The following DAB2 variants were observed in gnomAD, a reference collection of about 807,000 sequenced individuals.
The protein encoded by DAB2 is disabled homolog 2.
In DAB2, 28 loss-of-function variants were observed where a neutral mutation model predicts 71.6. That is an observed-to-expected ratio of 0.39 (90% CI 0.29 to 0.54). The LOEUF is 0.54. Among genes scored for constraint, DAB2 ranks in the 20% least tolerant of loss-of-function variants. The pLI is 0.68. For synonymous variants in DAB2, 345 were observed against 339.7 expected (o/e 1.02, Z -0.17); for missense variants, 867 against 928.8 (o/e 0.93, Z 0.86).
At chr5:39,423,100 G>T (rs1277767531) in intron 1 of DAB2, among the ~76,000 whole-genome samples, 1 of 152,158 alleles carries the variant, frequency 6.6e-6, no homozygotes, top group Non-Finnish European at 1.5e-5. Flanking sequence ...GCATAGGAGG[G>T]CATAGCTGAA....
At chr5:39,386,766 G>A (rs1579906535) in intron 9 of DAB2, among the ~76,000 whole-genome samples, 1 of 152,076 alleles carries the variant, frequency 6.6e-6, no homozygotes, top group East Asian at 1.9e-4. Context: ...TGAGTGCTTT[G>A]CTCTCTTTGA....
At chr5:39,381,902 T>C (rs555634139) in intron 10 of DAB2, among the ~76,000 whole-genome samples, 3 of 152,322 alleles carry the variant, frequency 2.0e-5, no homozygotes, top group African/African-American at 7.2e-5. Flanking sequence ...TCTGGTCTCA[T>C]CGCTAAATGC....
At chr5:39,375,289 T>C (rs1472036676) in intron 13 of DAB2, among the ~76,000 whole-genome samples, 1 of 152,192 alleles carries the variant, frequency 6.6e-6, no homozygotes, top group Non-Finnish European at 1.5e-5. Context: ...AAGGTTCAGA[T>C]GCATTTCATT....
intron 14 of DAB2, among the ~76,000 whole-genome samples, chr5:39,374,409 A>C (rs1252265367): frequency 1.3e-5 from 2 of 152,138 alleles, no homozygotes; most frequent in Non-Finnish European, 2.9e-5. Context: ...CTACCTAATC[A>C]CTTATCTAAG....
At chr5:39,413,759 C>T (rs953965952) in intron 1 of DAB2, among the ~76,000 whole-genome samples, 1 of 152,150 alleles carries the variant, frequency 6.6e-6, no homozygotes, top group African/African-American at 2.4e-5. Context: ...GGGCGATGCG[C>T]TTTCTGTATT....
At chr5:39,394,514 T>C (rs1755310277) in intron 1 of DAB2, 93 bp from the exon 2 acceptor site, 3 of 580,596 alleles carry the variant, frequency 5.2e-6, no homozygotes, top group Non-Finnish European at 9.2e-6. Context: ...CTTTCTTTTG[T>C]AGTTCTTTGG....
rs567572096 is a variant in DAB2 at position 39,407,301 on chromosome 5, C to A, written c.-101-12880G>T. Among the ~76,000 whole-genome samples the A allele has an allele frequency of 2.6e-5, 4 of 152,294 alleles. No individual in the cohort carries two copies. The South Asian group carries it at 6.2e-4, about 24-fold the overall frequency. ...GAGGCGCGATCTCAGCTCACTGCAA[C>A]CTCCGCCTCCCAGGTTCAAGCGATT... On this transcript the variant is annotated intron_variant, in intron 1 of 14. Transcript: ENST00000320816.
Position 39,377,026 on chromosome 5 carries a change from T to C in DAB2, c.1761A>G (p.Thr587=). 6.2e-7 allele frequency: 1 copy of C among 1,613,734 alleles called. No individual in the cohort carries two copies. Among genetic ancestry groups the C allele is most frequent in the Non-Finnish European group, 8.5e-7 (1 of 1,179,668 alleles). Residue 587 remains threonine, a synonymous_variant, in exon 12 of 15, where the codon ACA becomes ACG. Transcript: ENST00000320816. ...TCTGAAAAGGATTCCCCAAAGGGCTTGTTGTTGACCAAGCATTGGGTGCCA... is the reference window on the plus strand; with the variant it reads ...TCTGAAAAGGATTCCCCAAAGGGCTCGTTGTTGACCAAGCATTGGGTGCCA... ...ASVAPNAWST[T]SPLGNPFQSN... is the part of the protein sequence containing the mutation.
At chr5:39,410,290 A>G (rs1755693540) in intron 1 of DAB2, among the ~76,000 whole-genome samples, 1 of 152,194 alleles carries the variant, frequency 6.6e-6, no homozygotes, top group Admixed American at 6.6e-5. Flanking sequence ...TGGTATTAAC[A>G]AATTTTGAGG....
chr5:39,380,083 G>C (rs1754943480), intron 11 of DAB2, among the ~76,000 whole-genome samples: 3 of 152,196 alleles, frequency 2.0e-5, no homozygotes, highest in Admixed American at 6.5e-5. Flanking sequence ...TGCATTGCAA[G>C]CACTCTGGTC....
intron 9 of DAB2, 65 bp downstream of exon 9, chr5:39,388,240 G>T: frequency 2.5e-6 from 3 of 1,186,528 alleles, no homozygotes; most frequent in Non-Finnish European, 3.7e-6. Flanking sequence ...AAGATTTCTG[G>T]TTATTGCCAA....
chr5:39,384,906 A>T (rs990109083), intron 9 of DAB2, among the ~76,000 whole-genome samples: 2 of 152,134 alleles, frequency 1.3e-5, no homozygotes, highest in African/African-American at 2.4e-5. Context: ...TGGGGAAAAT[A>T]AACAACTTCA....
intron 8 of DAB2, 52 bp from the exon 9 acceptor site, chr5:39,388,419 T>C: frequency 8.2e-7 from 1 of 1,225,056 alleles, no homozygotes; most frequent in Non-Finnish European, 1.2e-6. Flanking sequence ...AAAAGATTAC[T>C]TCGTATATTG....
chr5:39,377,311 C>G, intron 11 of DAB2, 29 bp from the exon 12 acceptor site: 8 of 1,587,982 alleles, frequency 5.0e-6, no homozygotes, highest in Non-Finnish European at 6.9e-6. Context: ...AAATACTTAT[C>G]AGGAGTCAAG....
intron 1 of DAB2, among the ~76,000 whole-genome samples, chr5:39,413,928 A>G (rs1251756972): frequency 6.6e-6 from 1 of 152,202 alleles, no homozygotes; most frequent in Admixed American, 6.5e-5. Context: ...GGGAAACCAC[A>G]CATAGAACAT....
chr5:39,379,499 G>A (rs1474258994), intron 11 of DAB2, among the ~76,000 whole-genome samples: 1 of 147,386 alleles, frequency 6.8e-6, no homozygotes, highest in Non-Finnish European at 1.5e-5. Context: ...AGGAATTCAA[G>A]GCTTTCCCAG....
Position 39,389,355 on chromosome 5 carries a change from G to T in DAB2, c.544-232C>A, listed in dbSNP as rs138315926. On this transcript the variant is annotated intron_variant, in intron 6 of 14. Transcript: ENST00000320816. ...CTAGAATTAATATGAATCTCATAGA[G>T]AGAAAAAAAATAAAAGCCAGGGAGT... 5.8e-3 allele frequency among the ~76,000 whole-genome samples: 888 copies of T among 151,970 alleles called. 3 individuals are homozygous for T. The highest frequency in any genetic ancestry group is 9.0e-3 in the Non-Finnish European group (613 of 67,970).
chr5:39,394,206 G>A (rs1219722432), intron 2 of DAB2, 24 bp downstream of exon 2: 3 of 1,591,244 alleles, frequency 1.9e-6, no homozygotes, highest in Non-Finnish European at 2.6e-6. Context: ...TCCCTTCCTT[G>A]GCTTCAAGTG....
intron 11 of DAB2, among the ~76,000 whole-genome samples, chr5:39,377,698 T>C (rs1007873111): frequency 6.6e-6 from 1 of 152,244 alleles, no homozygotes; most frequent in Non-Finnish European, 1.5e-5. Flanking sequence ...ATGCTGATTA[T>C]GATGTAGTTA....
Sources: gnomAD v4.1 joint callset for allele counts (sites outside exome capture counted in the v4.1 genomes callset) on GRCh38, gnomAD v4.1.1 for gene constraint, MANE v1.5 for transcripts, NCBI Gene and HGNC (gene_info 2026-07-23, HGNC 2026-07-21) for gene names.